The following PCNX2 variants were observed in gnomAD, a reference collection of about 807,000 sequenced individuals.
PCNX2 encodes the protein pecanex-like protein 2.
A neutral mutation model predicts 223.8 loss-of-function variants in PCNX2; 168 were observed. That is an observed-to-expected ratio of 0.75 (90% CI 0.66 to 0.85). PCNX2 has a LOEUF of 0.85. Ranked by LOEUF, PCNX2 falls within the 40% of genes least tolerant of loss-of-function variation. The pLI, the probability that PCNX2 is intolerant of heterozygous loss-of-function variation, is 0.00. For missense variants in PCNX2, 2,507 were observed against 2,675.5 expected (o/e 0.94, Z 1.39); for synonymous variants, 1,006 against 1,052.6 (o/e 0.96, Z 0.86).
At chr1:233,230,057 A>G (rs1263473042) in intron 9 of PCNX2, among the ~76,000 whole-genome samples, 1 of 152,208 alleles carries the variant, frequency 6.6e-6, no homozygotes, top group Non-Finnish European at 1.5e-5. Flanking sequence ...GGTTATATAA[A>G]CCAAATGCTA....
chr1:233,218,500 T>C (rs1657157193), intron 10 of PCNX2, among the ~76,000 whole-genome samples: 1 of 152,102 alleles, frequency 6.6e-6, no homozygotes, highest in African/African-American at 2.4e-5. Context: ...TCTGCCCTCC[T>C]TGGCCTCCCA....
rs376065682 is a variant in PCNX2 at position 233,218,022 on chromosome 1, T to C, written c.2658+9A>G. On this transcript the variant is annotated intron_variant, in intron 11 of 33. Transcript: ENST00000258229. ...ACACGCTACTGGTAAGAATTAGATG[T>C]GGTCTTGCCTTTAGCAGGGAGTACT... The C allele has an allele frequency of 2.5e-6, 4 of 1,610,732 alleles. No individual in the cohort carries two copies. Among genetic ancestry groups the C allele is most frequent in the East Asian group, 2.2e-5 (1 of 44,786 alleles).
chr1:233,101,257 G>GTA (rs751906694), intron 21 of PCNX2, among the ~76,000 whole-genome samples: 2 of 152,238 alleles, frequency 1.3e-5, no homozygotes, highest in Non-Finnish European at 2.9e-5. Context: ...AATAGAAAAA[G>GTA]TAAAGCTAGT....
chr1:233,206,396 T>C (rs1572075804), intron 13 of PCNX2, among the ~76,000 whole-genome samples: 2 of 138,142 alleles, frequency 1.4e-5, no homozygotes, highest in East Asian at 3.2e-4. Context: ...CCCTGCAAAG[T>C]GTGCCATCAT....
chr1:233,063,328 C>A (rs1011502047), intron 23 of PCNX2, among the ~76,000 whole-genome samples: 2 of 151,764 alleles, frequency 1.3e-5, no homozygotes, highest in African/African-American at 4.8e-5. Flanking sequence ...AAAATATACA[C>A]ATTTGATGAG....
At chr1:233,025,507 C>T (rs112057116) in intron 25 of PCNX2, 108 bp from the exon 26 acceptor site, 9 of 1,396,458 alleles carry the variant, frequency 6.4e-6, no homozygotes, top group East Asian at 2.4e-5. Context: ...TGAAGGGAGT[C>T]GAGGAATCAG....
At chr1:233,026,407 T>TA (rs1159866929) in intron 25 of PCNX2, among the ~76,000 whole-genome samples, 6 of 152,284 alleles carry the variant, frequency 3.9e-5, no homozygotes, top group Middle Eastern at 3.4e-3. Flanking sequence ...TAGAATGAGT[T>TA]AGAGGAACGG....
At chr1:233,236,255 C>T (rs932778132) in intron 9 of PCNX2, among the ~76,000 whole-genome samples, 10 of 151,976 alleles carry the variant, frequency 6.6e-5, no homozygotes, top group African/African-American at 2.4e-4. Context: ...GTTTCACTAA[C>T]CTCCCATGTT....
intron 21 of PCNX2, among the ~76,000 whole-genome samples, chr1:233,102,863 A>C (rs114234352): frequency 0.021 from 3,263 of 152,044 alleles, 34 homozygotes; most frequent in East Asian, 0.043. Context: ...GAAGCTTTTT[A>C]GCTTGATATA....
At chr1:233,183,398 T>C (rs1679915984) in intron 15 of PCNX2, among the ~76,000 whole-genome samples, 1 of 152,190 alleles carries the variant, frequency 6.6e-6, no homozygotes, top group African/African-American at 2.4e-5. Context: ...CGAGAATGAC[T>C]ACAAGGTTTG....
intron 21 of PCNX2, among the ~76,000 whole-genome samples, chr1:233,130,334 G>A (rs188432360): frequency 6.7e-4 from 101 of 151,774 alleles, no homozygotes; most frequent in South Asian, 1.9e-3. Context: ...ACACACCCAC[G>A]TATCCACACA....
At chr1:233,281,555 T>C (rs921802438) in intron 1 of PCNX2, among the ~76,000 whole-genome samples, 2 of 152,232 alleles carry the variant, frequency 1.3e-5, no homozygotes, top group Non-Finnish European at 2.9e-5. Flanking sequence ...CAATGGTCTA[T>C]AATTTTTTAA....
intron 19 of PCNX2, among the ~76,000 whole-genome samples, chr1:233,158,849 T>G (rs1195041497): frequency 2.0e-5 from 3 of 152,208 alleles, no homozygotes; most frequent in Admixed American, 2.0e-4. Flanking sequence ...ACCTGAAGGC[T>G]GCAGAAGTTC....
At chr1:233,129,601 G>A (rs1347825793) in intron 21 of PCNX2, among the ~76,000 whole-genome samples, 1 of 152,216 alleles carries the variant, frequency 6.6e-6, no homozygotes, top group Non-Finnish European at 1.5e-5. Flanking sequence ...GTGGGGACTT[G>A]GAGAACCTTT....
chr1:233,061,001 T>G (rs1672387632), intron 23 of PCNX2, among the ~76,000 whole-genome samples: 1 of 152,212 alleles, frequency 6.6e-6, no homozygotes, highest in Non-Finnish European at 1.5e-5. Flanking sequence ...TCTCTCTCAG[T>G]TTCATCTGAA....
At chr1:233,148,489 G>A (rs1677597589) in intron 19 of PCNX2, among the ~76,000 whole-genome samples, 4 of 151,092 alleles carry the variant, frequency 2.6e-5, no homozygotes, top group Non-Finnish European at 5.9e-5. Context: ...CTGGAGTCCA[G>A]TGGCGGGATC....
chr1:233,241,070 C>T, intron 8 of PCNX2: 1 of 719,874 alleles, frequency 1.4e-6, no homozygotes, highest in Non-Finnish European at 1.7e-6. Context: ...AATGAAAGTC[C>T]CAGCAACATG....
chr1:233,225,596 C>T (rs905772554), intron 10 of PCNX2, among the ~76,000 whole-genome samples: 11 of 152,170 alleles, frequency 7.2e-5, no homozygotes, highest in Non-Finnish European at 1.3e-4. Context: ...ATAATGAAAA[C>T]ATAAGCTTTT....
At chr1:233,041,924 C>G (rs1671658668) in intron 25 of PCNX2, among the ~76,000 whole-genome samples, 1 of 152,204 alleles carries the variant, frequency 6.6e-6, no homozygotes, top group Non-Finnish European at 1.5e-5. Context: ...TCTGATGCTT[C>G]ATTGTACACA....
Sources: gnomAD v4.1 joint callset for allele counts (sites outside exome capture counted in the v4.1 genomes callset) on GRCh38, gnomAD v4.1.1 for gene constraint, MANE v1.5 for transcripts, NCBI Gene and HGNC (gene_info 2026-07-23, HGNC 2026-07-21) for gene names.